GPR158: variants seen among roughly 807,000 people sequenced by gnomAD.
GPR158 encodes the protein G protein-coupled receptor 158, also known as metabotropic glycine receptor.
GPR158 carries 30 observed loss-of-function variants against 78.2 expected under a neutral mutation model. The ratio of observed to expected loss-of-function variants is 0.38; its 90% CI spans 0.29 to 0.52. The LOEUF (loss-of-function observed/expected upper bound fraction) is 0.52. GPR158 is among the 20% of genes least tolerant of loss of function. The pLI, the probability that GPR158 is intolerant of heterozygous loss-of-function variation, is 0.83. For synonymous variants in GPR158, 581 were observed against 591.1 expected (o/e 0.98, Z 0.25); for missense variants, 1,463 against 1,523.5 (o/e 0.96, Z 0.66).
chr10:25,299,251 G>A (rs1412991199), intron 2 of GPR158, among the ~76,000 whole-genome samples: 2 of 151,944 alleles, frequency 1.3e-5, no homozygotes, highest in Non-Finnish European at 2.9e-5. Flanking sequence ...TGTGGTAAGG[G>A]CACCTAAAAT....
chr10:25,421,606 C>A (rs1834752897), intron 4 of GPR158, among the ~76,000 whole-genome samples: 1 of 152,072 alleles, frequency 6.6e-6, no homozygotes, highest in Non-Finnish European at 1.5e-5. Flanking sequence ...ATGGATGATA[C>A]TTCCTTCAAT....
At chr10:25,583,800 T>A (rs1438101141) in intron 7 of GPR158, among the ~76,000 whole-genome samples, 1 of 152,212 alleles carries the variant, frequency 6.6e-6, no homozygotes, top group African/African-American at 2.4e-5. Flanking sequence ...AAAGGTAATT[T>A]TTAATGCGGC....
intron 2 of GPR158, among the ~76,000 whole-genome samples, chr10:25,294,442 G>T (rs1406254348): frequency 6.6e-6 from 1 of 152,066 alleles, no homozygotes; most frequent in Non-Finnish European, 1.5e-5. Context: ...GTTCATAAAG[G>T]CATCCTTTTG....
intron 6 of GPR158, among the ~76,000 whole-genome samples, chr10:25,555,297 A>G (rs1836774169): frequency 6.6e-6 from 1 of 152,236 alleles, no homozygotes; most frequent in Non-Finnish European, 1.5e-5. Flanking sequence ...CATTGAATCT[A>G]TAAGTTAAGA....
chr10:25,420,603 C>T (rs1458760158), intron 4 of GPR158, among the ~76,000 whole-genome samples: 1 of 152,158 alleles, frequency 6.6e-6, no homozygotes, highest in Non-Finnish European at 1.5e-5. Flanking sequence ...TTAGGATTCA[C>T]ATTAGGTCTT....
chr10:25,252,537 G>A (rs1184397707), intron 2 of GPR158, among the ~76,000 whole-genome samples: 6 of 150,682 alleles, frequency 4.0e-5, no homozygotes, highest in Middle Eastern at 3.2e-3. Context: ...CTAACAGACA[G>A]GACCCTCAGC....
intron 2 of GPR158, among the ~76,000 whole-genome samples, chr10:25,346,230 A>G (rs934404899): frequency 1.4e-5 from 2 of 147,498 alleles, no homozygotes; most frequent in African/African-American, 2.5e-5. Context: ...GCTCTCAATT[A>G]TTTTGAACAA....
intron 5 of GPR158, among the ~76,000 whole-genome samples, chr10:25,520,536 GTAC>G (rs1836246553): frequency 2.0e-5 from 3 of 149,932 alleles, no homozygotes; most frequent in Non-Finnish European, 4.4e-5. Flanking sequence ...TGATGGTGAT[GTAC>G]AGATGGGTTT....
chr10:25,242,663 T>C (rs1185567560), intron 2 of GPR158, among the ~76,000 whole-genome samples: 2 of 152,202 alleles, frequency 1.3e-5, no homozygotes, highest in African/African-American at 4.8e-5. Flanking sequence ...TTAGACTGGA[T>C]TTTCCTTTAT....
At chr10:25,309,011 A>G (rs1381377461) in intron 2 of GPR158, among the ~76,000 whole-genome samples, 4 of 152,142 alleles carry the variant, frequency 2.6e-5, no homozygotes, top group Non-Finnish European at 4.4e-5. Flanking sequence ...GCTGGTATAA[A>G]TATAGCTGTA....
chr10:25,297,429 TC>T (rs36119456), intron 2 of GPR158, among the ~76,000 whole-genome samples: 55,159 of 152,072 alleles, frequency 0.36, 12,316 homozygotes, highest in Middle Eastern at 0.51. Context: ...CATTTCAGAT[TC>T]CAAAGAATTG....
At chr10:25,587,941 G>T (rs1837292179) in intron 7 of GPR158, among the ~76,000 whole-genome samples, 1 of 152,010 alleles carries the variant, frequency 6.6e-6, no homozygotes, top group African/African-American at 2.4e-5. Context: ...TCTAGATAAT[G>T]CATTTGATGA....
intron 2 of GPR158, among the ~76,000 whole-genome samples, chr10:25,272,875 T>C (rs1001314926): frequency 2.0e-5 from 3 of 152,148 alleles, no homozygotes; most frequent in African/African-American, 7.2e-5. Context: ...TAAAATTTTA[T>C]TCAGAACTCC....
chr10:25,508,430 C>T (rs1231674591), intron 5 of GPR158, among the ~76,000 whole-genome samples: 2 of 152,092 alleles, frequency 1.3e-5, no homozygotes, highest in African/African-American at 4.8e-5. Flanking sequence ...ACCTATATGT[C>T]ACATATATTC....
intron 2 of GPR158, among the ~76,000 whole-genome samples, chr10:25,296,563 G>A (rs1411842848): frequency 1.3e-5 from 2 of 151,996 alleles, no homozygotes; most frequent in East Asian, 1.9e-4. Context: ...AAGAGGTTAG[G>A]GGTTTTGCCT....
intron 5 of GPR158, among the ~76,000 whole-genome samples, chr10:25,494,763 G>A (rs913937788): frequency 2.0e-5 from 3 of 152,066 alleles, no homozygotes; most frequent in Non-Finnish European, 4.4e-5. Flanking sequence ...TGCCTATAAA[G>A]TGCATTGCTG....
At chr10:25,202,772 TAATGGGATTGCTGGGTCA>T (rs1488621316) in intron 1 of GPR158, among the ~76,000 whole-genome samples, 1 of 152,224 alleles carries the variant, frequency 6.6e-6, no homozygotes, top group Non-Finnish European at 1.5e-5. Context: ...ATATACCCAG[TAATGGGATTGCTGGGTCA>T]AATGGTATTT....
In GPR158 at chr10:25,572,810, T is replaced by C; in HGVS notation, c.1676T>C (p.Ile559Thr). The C allele has an allele frequency of 1.2e-6, 2 of 1,613,976 alleles. No individual in the cohort carries two copies. Among genetic ancestry groups the C allele is most frequent in the Non-Finnish European group, 1.7e-6 (2 of 1,179,876 alleles). Residue 559 changes from isoleucine (I) to threonine (T), a missense_variant, in exon 7 of 11, where the codon ATT becomes ACT. Coordinates refer to ENST00000376351, the MANE Select transcript of GPR158 (RefSeq NM_020752.3). The part of the protein sequence containing the change: ...CQNLEKQISL[I>T]GQGKTSDHLI... ...AATTTGGAGAAACAGATTTCACTTATTGGCCAGGGGAAAACATCCGATCAC... is the reference window on the plus strand; with the variant it reads ...AATTTGGAGAAACAGATTTCACTTACTGGCCAGGGGAAAACATCCGATCAC...
At chr10:25,434,050 T>A (rs938872649) in intron 4 of GPR158, among the ~76,000 whole-genome samples, 2 of 151,938 alleles carry the variant, frequency 1.3e-5, no homozygotes, top group Non-Finnish European at 2.9e-5. Flanking sequence ...TCCCAGTTAC[T>A]CAGGAGACTG....
Sources: allele counts gnomAD v4.1 joint callset (sites outside exome capture counted in the v4.1 genomes callset), GRCh38; gene constraint gnomAD v4.1.1; transcripts MANE v1.5; gene names NCBI Gene and HGNC (gene_info 2026-07-23, HGNC 2026-07-21).